Variants in UTRN observed in about 807,000 individuals in gnomAD.
The protein encoded by UTRN is dystrophin-related protein 1.
In UTRN, 283 loss-of-function variants were observed where a neutral mutation model predicts 463.9. That is an observed-to-expected ratio of 0.61 (90% CI 0.55 to 0.67). The LOEUF (loss-of-function observed/expected upper bound fraction) is 0.67. Ranked by LOEUF, UTRN falls within the 30% of genes least tolerant of loss-of-function variation. The pLI, the probability that UTRN is intolerant of heterozygous loss-of-function variation, is 0.00. For missense variants in UTRN, 3,922 were observed against 4,084.3 expected, an observed-to-expected ratio of 0.96 and a Z score of 1.08; for synonymous variants, 1,442 against 1,431.5, an observed-to-expected ratio of 1.01 and a Z score of -0.17.
At chr6:144,730,082 T>C (rs2128713839) in intron 53 of UTRN, among the ~76,000 whole-genome samples, 1 of 152,394 alleles carries the variant, frequency 6.6e-6, no homozygotes, top group East Asian at 1.9e-4. Context: ...ACATTTTGTG[T>C]AAATTCAAAT....
chr6:144,675,763 T>C lies in UTRN; in HGVS notation c.7480-2643T>C, dbSNP rs1037097231. ...CATTTGCAGTGGCAAGTTGCTTCCT[T>C]GAAAGGGTCTGTGAATTCTTTTGGT... On this transcript the variant is annotated intron_variant, in intron 51 of 74. Transcript: ENST00000367545. 3.3e-5 allele frequency among the ~76,000 whole-genome samples: 5 copies of C among 152,288 alleles called. No individual in the cohort carries two copies. The South Asian group carries it at 8.3e-4, about 25-fold the overall frequency.
chr6:144,521,955 A>ATATAT lies in UTRN; in HGVS notation c.5542-24_5542-23insATATT, dbSNP rs1554278042. On this transcript the variant is annotated intron_variant, in intron 39 of 74. Coordinates refer to ENST00000367545, the MANE Select transcript of UTRN (RefSeq NM_007124.3). The stretch of plus-strand genomic sequence containing the variant: ...TTAAGAGATATATATATATATATAT[A>ATATAT]TTTTTTTTTTTGCTGTTTTTGTAGG... 5.4e-5 allele frequency: 51 copies of ATATAT among 942,980 alleles called. No homozygotes were observed. The Admixed American group carries it at 5.8e-4, about 11-fold the overall frequency. The allele number at this position is 942,980 out of a possible 1,614,324, so 58.4% of individuals were successfully genotyped here. A position where few individuals can be genotyped will look rare whatever the true frequency, so the allele number is the denominator to read the frequency against.
In UTRN at chr6:144,789,242, G is replaced by A. The variant is rs375444342; in HGVS notation, c.8883G>A (p.Met2961Ile). 1.2e-5 allele frequency: 19 copies of A among 1,613,328 alleles called. No individual in the cohort carries two copies. Among genetic ancestry groups the A allele is most frequent in the Non-Finnish European group, 1.5e-5 (18 of 1,179,734 alleles). Residue 2961 changes from methionine to isoleucine, a missense_variant, in exon 62 of 75, where the codon ATG becomes ATA. Met to Ile is a conservative substitution (Grantham distance 10, BLOSUM62 1). Coordinates refer to ENST00000367545, the MANE Select transcript of UTRN (RefSeq NM_007124.3). The part of the protein sequence containing the change: ...IRVQSLKIGL[M>I]SLSKGLLEEK... ...TGCAGAGTCTGAAGATTGGATTAAT[G>A]TCTCTCTCCAAAGGTCTCTTGGAAG...
chr6:144,356,997 C>G (rs1437678748), intron 2 of UTRN, among the ~76,000 whole-genome samples: 1 of 152,032 alleles, frequency 6.6e-6, no homozygotes, highest in Non-Finnish European at 1.5e-5. Context: ...GTAAGATTTA[C>G]TCAGAATTTG....
chr6:144,380,564 A>G (rs1181688910), intron 2 of UTRN, among the ~76,000 whole-genome samples: 1 of 152,200 alleles, frequency 6.6e-6, no homozygotes, highest in African/African-American at 2.4e-5. Context: ...CAATCCCAGC[A>G]CCTTGAGAGG....
intron 62 of UTRN, among the ~76,000 whole-genome samples, chr6:144,792,405 G>C (rs1483550535): frequency 6.6e-6 from 1 of 152,106 alleles, no homozygotes; most frequent in Admixed American, 6.5e-5. Flanking sequence ...AAATTAGCTG[G>C]GTGTGGTGGT....
intron 67 of UTRN, 57 bp from the exon 68 acceptor site, chr6:144,827,554 A>G: frequency 6.2e-7 from 1 of 1,606,300 alleles, no homozygotes; most frequent in Non-Finnish European, 8.5e-7. Flanking sequence ...CATTTCTAAT[A>G]GTAACACCTA....
At chr6:144,613,218 G>C (rs1805709764) in intron 51 of UTRN, among the ~76,000 whole-genome samples, 1 of 152,072 alleles carries the variant, frequency 6.6e-6, no homozygotes, top group African/African-American at 2.4e-5. Flanking sequence ...GTGAGGGAGG[G>C]AGAGAAGGAA....
At chr6:144,721,490 T>G (rs1370851433) in intron 53 of UTRN, among the ~76,000 whole-genome samples, 1 of 152,232 alleles carries the variant, frequency 6.6e-6, no homozygotes, top group East Asian at 1.9e-4. Flanking sequence ...ATTACAGTTA[T>G]GAGCCACCAC....
chr6:144,456,104 A>C lies in UTRN; in HGVS notation c.2284+2235A>C, dbSNP rs181233591. Among the ~76,000 whole-genome samples the C allele has an allele frequency of 1.2e-4, 18 of 152,298 alleles. No homozygotes were observed. The East Asian group carries it at 3.3e-3, about 28-fold the overall frequency. On this transcript the variant is annotated intron_variant, in intron 19 of 74. Coordinates refer to ENST00000367545, the MANE Select transcript of UTRN (RefSeq NM_007124.3). Reference sequence around the variant, plus strand: ...TGTTTTAAAGATGCATCTATTAAAAAATTTTTTTTAGGACAACAGTGGGAA... The same window carrying C: ...TGTTTTAAAGATGCATCTATTAAAACATTTTTTTTAGGACAACAGTGGGAA...
chr6:144,461,613 T>C (rs1019006001), intron 22 of UTRN, among the ~76,000 whole-genome samples: 6 of 152,258 alleles, frequency 3.9e-5, no homozygotes, highest in African/African-American at 1.2e-4. Context: ...TGCTAAAATA[T>C]CTTTATGAAA....
At chr6:144,546,342 C>A (rs980974600) in intron 46 of UTRN, among the ~76,000 whole-genome samples, 8 of 152,154 alleles carry the variant, frequency 5.3e-5, no homozygotes, top group African/African-American at 7.2e-5. Flanking sequence ...GACCCCTTTA[C>A]ACTTGTAAAA....
intron 2 of UTRN, among the ~76,000 whole-genome samples, chr6:144,364,925 A>G (rs911064425): frequency 6.6e-6 from 1 of 152,134 alleles, no homozygotes; most frequent in African/African-American, 2.4e-5. Flanking sequence ...TTTTCCACTT[A>G]GAAGGCCCCT....
Position 144,439,637 on chromosome 6 carries a change from C to T in UTRN, c.1393-715C>T, listed in dbSNP as rs1366289372. Among the ~76,000 whole-genome samples the T allele has an allele frequency of 3.3e-5, 5 of 152,222 alleles. No individual in the cohort carries two copies. In the East Asian group the frequency reaches 7.7e-4, roughly 24 times the overall value. On this transcript the variant is annotated intron_variant, in intron 12 of 74. Coordinates refer to ENST00000367545, the MANE Select transcript of UTRN (RefSeq NM_007124.3). ...TCTCCCAAGTAGCTGGGACTACAGG[C>T]GTGTGCCACCACACCCAGCTAATTT...
intron 34 of UTRN, among the ~76,000 whole-genome samples, chr6:144,505,901 G>C (rs1794653354): frequency 6.6e-6 from 1 of 152,114 alleles, no homozygotes; most frequent in Non-Finnish European, 1.5e-5. Context: ...TCTCTTTGTA[G>C]GTCTCTAAGA....
chr6:144,463,945 C>T lies in UTRN; in HGVS notation c.3066+1079C>T, dbSNP rs151255612. Among the ~76,000 whole-genome samples the T allele has an allele frequency of 3.2e-3, 472 of 149,162 alleles. 2 individuals carry two copies. The highest frequency in any genetic ancestry group is 0.01 in the African/African-American group (413 of 40,622). ...TATTTATATAGAGAGAATCTAAATC[C>T]GAATCTATATATATTTAGATGTAGA... On this transcript the variant is annotated intron_variant, in intron 23 of 74. Transcript: ENST00000367545.
intron 51 of UTRN, among the ~76,000 whole-genome samples, chr6:144,636,274 A>G (rs1777164638): frequency 6.6e-6 from 1 of 152,162 alleles, no homozygotes; most frequent in Admixed American, 6.5e-5. Flanking sequence ...CATCATTCTC[A>G]GCAAACTCAC....
At chr6:144,668,172 A>G (rs773796525) in intron 51 of UTRN, among the ~76,000 whole-genome samples, 4 of 152,168 alleles carry the variant, frequency 2.6e-5, no homozygotes, top group Admixed American at 1.3e-4. Context: ...CAGAAATAAT[A>G]CTAGGTCAGT....
intron 55 of UTRN, among the ~76,000 whole-genome samples, 196 bp from the exon 56 acceptor site, chr6:144,751,610 G>A (rs1051018638): frequency 3.3e-5 from 5 of 151,950 alleles, no homozygotes; most frequent in Admixed American, 3.3e-4. Context: ...TATGGGTTTC[G>A]CATCCTGCAA....
Sources: allele counts gnomAD v4.1 joint callset (sites outside exome capture counted in the v4.1 genomes callset), GRCh38; gene constraint gnomAD v4.1.1; transcripts MANE v1.5; gene names NCBI Gene and HGNC (gene_info 2026-07-23, HGNC 2026-07-21).